The following SMAD1 variants were observed in gnomAD, a reference collection of about 807,000 sequenced individuals.
SMAD1 encodes MAD, mothers against decapentaplegic homolog 1.
A neutral mutation model predicts 41.6 loss-of-function variants in SMAD1; 6 were observed. The observed-to-expected ratio is 0.14, with a 90% confidence interval of 0.08 to 0.28. The LOEUF is 0.28. Ranked by LOEUF, SMAD1 falls within the 10% of genes least tolerant of loss-of-function variation. The pLI is 1.00. For synonymous variants in SMAD1, 206 were observed against 203.2 expected (o/e 1.01, Z -0.12); for missense variants, 379 against 582.6 (o/e 0.65, Z 3.60).
chr4:145,514,754 C>T lies in SMAD1; in HGVS notation c.141C>T (p.Ala47=). 1 of 1,614,062 alleles carries T rather than the reference C, an allele frequency of 6.2e-7. No individual in the cohort carries two copies. Among genetic ancestry groups the T allele is most frequent in the East Asian group, 2.2e-5 (1 of 44,874 alleles). Reference sequence around the variant, plus strand: ...AAAAACTGAAGAAAAAGAAAGGTGCCATGGAGGAACTGGAAAAGGCCTTGA... The same window carrying T: ...AAAAACTGAAGAAAAAGAAAGGTGCTATGGAGGAACTGGAAAAGGCCTTGA... ...LVKKLKKKKG[A]MEELEKALSC... The change falls in exon 2 of 7, where the codon GCC becomes GCT. Residue 47 remains alanine (A), a synonymous_variant. Transcript: ENST00000302085. This position sits in a 1 kb window ranked among gnomAD's most constrained non-coding sequence, Gnocchi z 4.7.
intron 2 of SMAD1, 88 bp downstream of exon 2, chr4:145,515,101 T>G (rs1330880582): frequency 7.6e-7 from 1 of 1,313,884 alleles, no homozygotes; most frequent in Non-Finnish European, 1.1e-6. Context: ...CCTTTGCTTG[T>G]TTTTAGTTGT....
intron 6 of SMAD1, among the ~76,000 whole-genome samples, chr4:145,554,761 A>G (rs1344982479): frequency 6.6e-6 from 1 of 152,156 alleles, no homozygotes; most frequent in Non-Finnish European, 1.5e-5. Context: ...GTCTGATTAG[A>G]TTTCTGAGTC....
intron 1 of SMAD1, among the ~76,000 whole-genome samples, chr4:145,503,567 A>G (rs1209847455): frequency 6.6e-6 from 1 of 152,148 alleles, no homozygotes; most frequent in Non-Finnish European, 1.5e-5. Context: ...TTGAAAGTTG[A>G]GGGCTAACTG....
intron 1 of SMAD1, among the ~76,000 whole-genome samples, chr4:145,512,441 C>T (rs1345085893): frequency 2.6e-5 from 4 of 152,140 alleles, no homozygotes; most frequent in Non-Finnish European, 5.9e-5. Context: ...TTTTCCCTCT[C>T]TTTGCATTAG....
At chr4:145,505,616 C>CA (rs542570974) in intron 1 of SMAD1, among the ~76,000 whole-genome samples, 2,764 of 95,598 alleles carry the variant, frequency 0.029, 63 homozygotes, top group African/African-American at 0.064. Context: ...AAGACTCTGT[C>CA]AAAAAAAAAA....
intron 2 of SMAD1, among the ~76,000 whole-genome samples, chr4:145,520,791 T>C (rs1032782386): frequency 1.3e-5 from 2 of 152,192 alleles, no homozygotes; most frequent in African/African-American, 4.8e-5. Flanking sequence ...AAAAGTAATA[T>C]TACGGACGGG....
At chr4:145,516,274 A>G (rs1374114687) in intron 2 of SMAD1, among the ~76,000 whole-genome samples, 1 of 152,126 alleles carries the variant, frequency 6.6e-6, no homozygotes, top group Non-Finnish European at 1.5e-5. Context: ...GTTACATAAT[A>G]TTGGAGTTTC....
At chr4:145,494,901 GGA>G (rs1456523277) in intron 1 of SMAD1, among the ~76,000 whole-genome samples, 1 of 152,058 alleles carries the variant, frequency 6.6e-6, no homozygotes, top group African/African-American at 2.4e-5. Flanking sequence ...TTTTCATTGA[GGA>G]GAGCAGAGAC....
chr4:145,550,385 C>T (rs1367777360), intron 5 of SMAD1, among the ~76,000 whole-genome samples: 2 of 152,018 alleles, frequency 1.3e-5, no homozygotes, highest in African/African-American at 4.8e-5. Flanking sequence ...TGGTGGCACA[C>T]GCCTGTAATC....
Position 145,557,859 on chromosome 4 carries a change from C to T in SMAD1, c.1323C>T (p.His441=), listed in dbSNP as rs772175085. The part of the protein sequence containing the change: ...STPCWIEIHL[H]GPLQWLDKVL... ...CCTGCTGGATTGAGATACATCTGCA[C>T]GGCCCCCTCCAGTGGCTGGATAAAG... The change falls in exon 7 of 7, where the codon CAC becomes CAT. Residue 441 remains histidine (H), a synonymous_variant. Transcript: ENST00000302085. 9.9e-6 allele frequency: 16 copies of T among 1,611,618 alleles called. No individual in the cohort carries two copies. Among genetic ancestry groups the T allele is most frequent in the East Asian group, 6.7e-5 (3 of 44,862 alleles).
At chr4:145,502,065 C>T (rs544344804) in intron 1 of SMAD1, among the ~76,000 whole-genome samples, 103 of 152,282 alleles carry the variant, frequency 6.8e-4, no homozygotes, top group African/African-American at 2.4e-3. Flanking sequence ...GGATAACTGA[C>T]TCAAAGAGAA....
intron 2 of SMAD1, among the ~76,000 whole-genome samples, chr4:145,525,253 C>T (rs1202251355): frequency 6.6e-6 from 1 of 152,158 alleles, no homozygotes; most frequent in Admixed American, 6.5e-5. Flanking sequence ...TGCCATTTTC[C>T]CCTTAAAATG....
intron 1 of SMAD1, among the ~76,000 whole-genome samples, chr4:145,498,780 A>G (rs546039885): frequency 6.6e-6 from 1 of 152,336 alleles, no homozygotes; most frequent in South Asian, 2.1e-4. Flanking sequence ...AGTATTGTAC[A>G]TGAAAGTCCA....
chr4:145,508,495 G>T (rs1454250721), intron 1 of SMAD1, among the ~76,000 whole-genome samples: 1 of 151,752 alleles, frequency 6.6e-6, no homozygotes, highest in Non-Finnish European at 1.5e-5. Context: ...AAATACTAAG[G>T]TATTGTTGCT....
chr4:145,516,397 C>T (rs1481477487), intron 2 of SMAD1, among the ~76,000 whole-genome samples: 1 of 152,060 alleles, frequency 6.6e-6, no homozygotes, highest in Non-Finnish European at 1.5e-5. Context: ...ATTGGAATTT[C>T]GTTGATTTCA....
Position 145,542,683 on chromosome 4 carries a change from G to A in SMAD1, c.760G>A (p.Glu254Lys). The A allele has an allele frequency of 6.2e-7, 1 of 1,609,576 alleles. No individual in the cohort carries two copies. Among genetic ancestry groups the A allele is most frequent in the East Asian group, 2.2e-5 (1 of 44,708 alleles). ...TNMMAPPLPSEINRGDVQAVA... is the reference protein window; with the variant it reads ...TNMMAPPLPSKINRGDVQAVA... ...CATGATGGCGCCTCCCCTGCCCTCA[G>A]AAATCAACAGAGGAGGTAAAACTAA... Residue 254 changes from glutamate to lysine, a missense_variant, in exon 4 of 7, where the codon GAA (glutamate) becomes AAA (lysine). Physicochemically the swap from Glu to Lys is moderately conservative, Grantham distance 56. This residue lies in a region of SMAD1 where 208 missense variants were observed against 210.5 expected (regional missense o/e 0.99). Transcript: ENST00000302085.
At chr4:145,508,721 C>G (rs868291838) in intron 1 of SMAD1, among the ~76,000 whole-genome samples, 1 of 152,110 alleles carries the variant, frequency 6.6e-6, no homozygotes. Flanking sequence ...TAACAAAATA[C>G]CATATAGACT....
chr4:145,490,392 C>T (rs1728709133), intron 1 of SMAD1, among the ~76,000 whole-genome samples: 1 of 152,156 alleles, frequency 6.6e-6, no homozygotes, highest in Admixed American at 6.5e-5. Context: ...GGAAGATCAG[C>T]ACATGGTAAG....
intron 4 of SMAD1, 89 bp from the exon 5 acceptor site, chr4:145,546,614 A>G: frequency 3.3e-6 from 3 of 909,346 alleles, no homozygotes; most frequent in Admixed American, 1.7e-5. Context: ...TCTTCATTCC[A>G]TGATCCTGAG....
Sources: gnomAD v4.1 joint callset for allele counts (sites outside exome capture counted in the v4.1 genomes callset) on GRCh38, gnomAD v4.1.1 for gene constraint, gnomAD v4.1.1 regional missense constraint, Gnocchi (gnomAD v3.1) non-coding constraint, MANE v1.5 for transcripts, NCBI Gene and HGNC (gene_info 2026-07-23, HGNC 2026-07-21) for gene names.